NAV2: variants seen among roughly 807,000 people sequenced by gnomAD.
The protein encoded by NAV2 is helicase, APC down-regulated 1.
NAV2 carries 54 observed loss-of-function variants against 223.2 expected under a neutral mutation model. The observed-to-expected ratio is 0.24, with a 90% confidence interval of 0.19 to 0.30. NAV2 has a LOEUF of 0.30. Among genes scored for constraint, NAV2 ranks in the 10% least tolerant of loss-of-function variants. NAV2 has a pLI of 1.00. For missense variants in NAV2, 2,806 were observed against 3,147.5 expected (o/e 0.89, Z 2.60); for synonymous variants, 1,279 against 1,239.3 (o/e 1.03, Z -0.67).
intron 3 of NAV2, among the ~76,000 whole-genome samples, chr11:19,854,337 G>A (rs1271898499): frequency 1.3e-5 from 2 of 152,218 alleles, no homozygotes; most frequent in African/African-American, 4.8e-5. Flanking sequence ...CAGGTCAGTG[G>A]ACAAGTGCCA....
At chr11:19,827,711 T>C (rs1443943584) in intron 1 of NAV2, among the ~76,000 whole-genome samples, 1 of 151,532 alleles carries the variant, frequency 6.6e-6, no homozygotes. Flanking sequence ...ATTTTTATTA[T>C]TTTTTTAATT....
At chr11:19,421,819 T>C (rs77074539) in intron 1 of NAV2, among the ~76,000 whole-genome samples, 88 of 123,220 alleles carry the variant, frequency 7.1e-4, no homozygotes, top group Middle Eastern at 6.0e-3. Flanking sequence ...ATAATGACCA[T>C]GACCATTAAC....
intron 31 of NAV2, among the ~76,000 whole-genome samples, chr11:20,100,478 C>T (rs2061552667): frequency 6.6e-6 from 1 of 151,866 alleles, no homozygotes; most frequent in Admixed American, 6.6e-5. Context: ...AAGAGGCAAC[C>T]TCAGGGTTGT....
At chr11:19,879,776 C>T in intron 4 of NAV2, 93 bp from the exon 5 acceptor site, 1 of 1,456,344 alleles carries the variant, frequency 6.9e-7, no homozygotes, top group East Asian at 2.3e-5. Flanking sequence ...CTGTCATATC[C>T]TAAAGAAATC....
intron 1 of NAV2, among the ~76,000 whole-genome samples, chr11:19,353,540 T>G (rs761171725): frequency 8.5e-5 from 13 of 152,162 alleles, no homozygotes; most frequent in Non-Finnish European, 1.8e-4. Context: ...ATTTTTAGAG[T>G]CTACATTTTC....
intron 1 of NAV2, among the ~76,000 whole-genome samples, chr11:19,614,941 C>T (rs2046750845): frequency 6.6e-6 from 1 of 152,152 alleles, no homozygotes; most frequent in Admixed American, 6.5e-5. Flanking sequence ...TACTACCCAA[C>T]ATGGTACTCT....
chr11:20,047,856 A>G (rs1293352514), intron 14 of NAV2, among the ~76,000 whole-genome samples: 1 of 152,236 alleles, frequency 6.6e-6, no homozygotes, highest in African/African-American at 2.4e-5. Context: ...TACTTACTCA[A>G]CACAGGTTTC....
At chr11:19,464,601 A>G (rs1194139461) in intron 1 of NAV2, among the ~76,000 whole-genome samples, 4 of 152,206 alleles carry the variant, frequency 2.6e-5, no homozygotes, top group South Asian at 2.1e-4. Flanking sequence ...CCTTTCATCT[A>G]TAATATTCCT....
At chr11:19,641,314 A>G (rs780834406) in intron 1 of NAV2, among the ~76,000 whole-genome samples, 1 of 152,108 alleles carries the variant, frequency 6.6e-6, no homozygotes, top group Non-Finnish European at 1.5e-5. Context: ...CAAGGCCATC[A>G]TGTCTGCCTA....
At chr11:19,931,711 T>TGTGA (rs1475469822) in intron 6 of NAV2, 1 of 152,090 alleles carries the variant, frequency 6.6e-6, no homozygotes, top group Non-Finnish European at 1.5e-5. Context: ...CGAAAACACT[T>TGTGA]GTGACAATTG....
At chr11:19,923,090 C>G (rs2044420405) in intron 6 of NAV2, among the ~76,000 whole-genome samples, 1 of 152,190 alleles carries the variant, frequency 6.6e-6, no homozygotes, top group Admixed American at 6.5e-5. Flanking sequence ...CCACATTTTA[C>G]TAGATTATAA....
Position 19,933,393 on chromosome 11 carries a change from C to T in NAV2, c.1149C>T (p.Ala383=). Residue 383 remains alanine, a synonymous_variant, in exon 7 of 38, where the codon GCC becomes GCT. Coordinates refer to ENST00000349880, the MANE Select transcript of NAV2 (RefSeq NM_145117.5). The surrounding 1 kb of genome is among the most constrained non-coding windows in gnomAD (Gnocchi z 4.3). ...MLSVKPPGPE[A]PRPTPEAMKP... ...CGGTCAAGCCTCCTGGGCCTGAGGC[C>T]CCCAGGCCCACACCTGAAGCCATGA... 1.3e-6 allele frequency: 2 copies of T among 1,581,842 alleles called. No homozygotes were observed. The highest frequency in any genetic ancestry group is 1.7e-6 in the Non-Finnish European group (2 of 1,163,792).
At chr11:19,458,064 G>A (rs1247721152) in intron 1 of NAV2, among the ~76,000 whole-genome samples, 1 of 152,142 alleles carries the variant, frequency 6.6e-6, no homozygotes, top group Non-Finnish European at 1.5e-5. Flanking sequence ...TTTGGCAGCA[G>A]GCAAGTTCCC....
chr11:19,846,598 A>G (rs534177021), intron 3 of NAV2, among the ~76,000 whole-genome samples: 36 of 151,370 alleles, frequency 2.4e-4, no homozygotes, highest in African/African-American at 8.0e-4. Context: ...TATTAGCACT[A>G]ATACGCATCT....
chr11:19,465,808 C>T (rs183700622), intron 1 of NAV2, among the ~76,000 whole-genome samples: 103 of 152,300 alleles, frequency 6.8e-4, no homozygotes, highest in African/African-American at 2.1e-3. Flanking sequence ...TAACCAGTAG[C>T]GGAGGCACAG....
At chr11:19,585,277 A>G (rs1236522774) in intron 1 of NAV2, among the ~76,000 whole-genome samples, 6 of 152,058 alleles carry the variant, frequency 3.9e-5, no homozygotes, top group South Asian at 2.1e-4. Context: ...GTGTGTCTCT[A>G]CCCGTGAGAT....
At chr11:19,940,117 A>G (rs10833202) in intron 8 of NAV2, among the ~76,000 whole-genome samples, 60,013 of 151,878 alleles carry the variant, frequency 0.4, 14,301 homozygotes, top group Non-Finnish European at 0.53. Flanking sequence ...CTTCAGATAA[A>G]GTTGCTTTTC....
intron 1 of NAV2, among the ~76,000 whole-genome samples, chr11:19,360,744 G>A (rs1421173053): frequency 6.6e-6 from 1 of 152,218 alleles, no homozygotes; most frequent in Non-Finnish European, 1.5e-5. Flanking sequence ...GGAAGAAGAA[G>A]GCTGGAGAGC....
At chr11:19,469,907 G>A (rs2041908851) in intron 1 of NAV2, among the ~76,000 whole-genome samples, 1 of 152,230 alleles carries the variant, frequency 6.6e-6, no homozygotes, top group African/African-American at 2.4e-5. Context: ...AGGAAAGAAT[G>A]CAAAATAAGG....
Sources: gnomAD v4.1 joint callset for allele counts (sites outside exome capture counted in the v4.1 genomes callset) on GRCh38, gnomAD v4.1.1 for gene constraint, Gnocchi (gnomAD v3.1) non-coding constraint, MANE v1.5 for transcripts, NCBI Gene and HGNC (gene_info 2026-07-23, HGNC 2026-07-21) for gene names.